Variants in PPME1 observed in about 807,000 individuals in gnomAD.
PPME1 encodes the protein protein phosphatase methylesterase 1.
PPME1 carries 17 observed loss-of-function variants against 56.9 expected under a neutral mutation model. The ratio of observed to expected loss-of-function variants is 0.30; its 90% confidence interval spans 0.20 to 0.45. The LOEUF (loss-of-function observed/expected upper bound fraction) is 0.45, where lower values mean the gene tolerates loss of function less well. Among genes scored for constraint, PPME1 ranks in the 20% least tolerant of loss-of-function variants. The pLI is 1.00. For missense variants in PPME1, 357 were observed against 483.2 expected, an observed-to-expected ratio of 0.74 and a Z score of 2.45; for synonymous variants, 122 against 156.2, an observed-to-expected ratio of 0.78 and a Z score of 1.63.
intron 11 of PPME1, chr11:74,248,648 T>A (rs1220882681): frequency 6.6e-6 from 1 of 152,174 alleles, no homozygotes; most frequent in African/African-American, 2.4e-5. Flanking sequence ...CTTAGACACT[T>A]ATTTAAGTAG....
chr11:74,196,364 T>C (rs1414294527), intron 1 of PPME1, among the ~76,000 whole-genome samples: 1 of 152,206 alleles, frequency 6.6e-6, no homozygotes, highest in Admixed American at 6.5e-5. Flanking sequence ...TTTTTACTTC[T>C]CAGAGTTTTA....
At chr11:74,193,966 T>C (rs908905513) in intron 1 of PPME1, among the ~76,000 whole-genome samples, 2 of 152,154 alleles carry the variant, frequency 1.3e-5, no homozygotes, top group African/African-American at 4.8e-5. Flanking sequence ...TTCTTAAAGT[T>C]CTTAGTCCTA....
At chr11:74,204,558 C>A in intron 3 of PPME1, 113 bp downstream of exon 3, 2 of 851,836 alleles carry the variant, frequency 2.3e-6, no homozygotes, top group Non-Finnish European at 3.8e-6. Flanking sequence ...AATTGCTATT[C>A]CAGGCATACA....
chr11:74,204,389 G>A lies in PPME1; in HGVS notation c.232G>A (p.Val78Ile). The A allele has an allele frequency of 6.2e-7, 1 of 1,613,554 alleles. No homozygotes were observed. The highest frequency in any genetic ancestry group is 8.5e-7 in the Non-Finnish European group (1 of 1,179,610). The change falls in exon 3 of 14, where the codon GTC becomes ATC. Residue 78 changes from valine (V) to isoleucine (I), a missense_variant. Physicochemically the swap from Val to Ile is conservative, Grantham distance 29. Transcript: ENST00000328257. ...CTACAAGAGTGGTTCAGAGGGTCCA[G>A]TCCTGCTCCTTCTGCATGGAGGAGG... ...RVYKSGSEGPVLLLLHGGGHS... is the reference protein window; with the variant it reads ...RVYKSGSEGPILLLLHGGGHS...
At chr11:74,180,908 A>G (rs555161134) in intron 1 of PPME1, among the ~76,000 whole-genome samples, 1 of 152,358 alleles carries the variant, frequency 6.6e-6, no homozygotes, top group South Asian at 2.1e-4. Flanking sequence ...GTGGTCCACC[A>G]TTAAAGGCTA....
intron 3 of PPME1, among the ~76,000 whole-genome samples, chr11:74,219,968 C>T (rs1858754286): frequency 6.6e-6 from 1 of 152,040 alleles, no homozygotes; most frequent in South Asian, 2.1e-4. Flanking sequence ...ACCTCATTTG[C>T]CCGATGTGAT....
At chr11:74,225,493 T>C (rs930362055) in intron 5 of PPME1, among the ~76,000 whole-genome samples, 1 of 152,226 alleles carries the variant, frequency 6.6e-6, no homozygotes, top group African/African-American at 2.4e-5. Flanking sequence ...ATGAAAATTC[T>C]TCAAGGCACA....
At chr11:74,178,729 G>A (rs998212487) in intron 1 of PPME1, among the ~76,000 whole-genome samples, 1 of 151,998 alleles carries the variant, frequency 6.6e-6, no homozygotes, top group Non-Finnish European at 1.5e-5. Flanking sequence ...GTAAAAGTCC[G>A]TTTTTCCATT....
chr11:74,196,550 G>C (rs566974268), intron 1 of PPME1, among the ~76,000 whole-genome samples: 12 of 152,224 alleles, frequency 7.9e-5, no homozygotes, highest in South Asian at 6.2e-4. Context: ...TACAGGAAAG[G>C]GGTCCCAATC....
intron 1 of PPME1, 79 bp downstream of exon 1, chr11:74,171,601 C>A: frequency 6.8e-7 from 1 of 1,477,588 alleles, no homozygotes; most frequent in Admixed American, 2.3e-5. Context: ...TTCATAGAGG[C>A]ACGGGAAAGG....
intron 3 of PPME1, among the ~76,000 whole-genome samples, chr11:74,213,530 C>G (rs929414130): frequency 3.3e-5 from 5 of 152,168 alleles, no homozygotes; most frequent in African/African-American, 1.2e-4. Flanking sequence ...TGGGTGAGTC[C>G]CAGTGTTGTG....
intron 4 of PPME1, among the ~76,000 whole-genome samples, chr11:74,222,942 T>A (rs868019484): frequency 0.019 from 2,753 of 148,626 alleles, 79 homozygotes; most frequent in African/African-American, 0.068. Flanking sequence ...TTTTTTTTTT[T>A]AATTTTTTTT....
intron 13 of PPME1, 136 bp downstream of exon 13, chr11:74,251,851 A>G (rs373733579): frequency 7.4e-6 from 8 of 1,083,994 alleles, no homozygotes; most frequent in Admixed American, 1.7e-5. Flanking sequence ...CTCCTCAGTG[A>G]AGAGCCTGGC....
At chr11:74,232,828 C>T (rs1019035298) in intron 7 of PPME1, among the ~76,000 whole-genome samples, 1 of 151,006 alleles carries the variant, frequency 6.6e-6, no homozygotes, top group African/African-American at 2.4e-5. Context: ...TACAGCTGTG[C>T]ACCACGATGC....
intron 3 of PPME1, among the ~76,000 whole-genome samples, chr11:74,218,651 A>C (rs1166364180): frequency 6.6e-6 from 1 of 152,222 alleles, no homozygotes; most frequent in Non-Finnish European, 1.5e-5. Context: ...ATGTTGGGGC[A>C]AGGACAGTTT....
chr11:74,187,681 C>T (rs1857721718), intron 1 of PPME1, among the ~76,000 whole-genome samples: 1 of 152,066 alleles, frequency 6.6e-6, no homozygotes, highest in Non-Finnish European at 1.5e-5. Flanking sequence ...AGGTAATATA[C>T]AAGTCCAAGT....
At chr11:74,183,949 A>T (rs1857605409) in intron 1 of PPME1, among the ~76,000 whole-genome samples, 2 of 152,214 alleles carry the variant, frequency 1.3e-5, no homozygotes, top group Non-Finnish European at 2.9e-5. Context: ...TCCATCCTGA[A>T]TTTAATAGAG....
At chr11:74,198,609 A>ACGCCACCATGC (rs113275149) in intron 1 of PPME1, 15,754 of 152,052 alleles carry the variant, frequency 0.1, 2,140 homozygotes, top group African/African-American at 0.32. Context: ...CCACAGGTGC[A>ACGCCACCATGC]CTACCTAATT....
chr11:74,246,044 C>A, intron 9 of PPME1, 32 bp from the exon 10 acceptor site: 1 of 1,566,024 alleles, frequency 6.4e-7, no homozygotes, highest in African/African-American at 1.4e-5. Flanking sequence ...GGGTTGCCCT[C>A]GGAGACTCAG....
Sources: gnomAD v4.1 joint callset for allele counts (sites outside exome capture counted in the v4.1 genomes callset) on GRCh38, gnomAD v4.1.1 for gene constraint, MANE v1.5 for transcripts, NCBI Gene and HGNC (gene_info 2026-07-23, HGNC 2026-07-21) for gene names.